TMTC2: variants seen among roughly 807,000 people sequenced by gnomAD.
The protein encoded by TMTC2 is protein O-mannosyl-transferase TMTC2.
Under a neutral mutation model 82.4 loss-of-function variants are expected in TMTC2, and 43 were observed. The ratio of observed to expected loss-of-function variants is 0.52; its 90% confidence interval spans 0.41 to 0.67. The LOEUF is 0.67. Among genes scored for constraint, TMTC2 ranks in the 30% least tolerant of loss-of-function variants. The pLI is 0.00. For synonymous variants in TMTC2, 408 were observed against 381.9 expected (o/e 1.07, Z -0.80); for missense variants, 919 against 1,012.4 (o/e 0.91, Z 1.25).
intron 3 of TMTC2, among the ~76,000 whole-genome samples, chr12:82,929,686 A>C (rs1875920444): frequency 6.6e-6 from 1 of 152,150 alleles, no homozygotes; most frequent in African/African-American, 2.4e-5. Context: ...AGGAAGTAAG[A>C]AGGCAAGAAA....
At chr12:82,946,804 C>T (rs1046838894) in intron 4 of TMTC2, among the ~76,000 whole-genome samples, 1 of 149,732 alleles carries the variant, frequency 6.7e-6, no homozygotes, top group Non-Finnish European at 1.5e-5. Context: ...TGCAGTGGCG[C>T]CATCTCGGCT....
chr12:82,869,609 G>T (rs1872060463), intron 2 of TMTC2, among the ~76,000 whole-genome samples: 1 of 152,102 alleles, frequency 6.6e-6, no homozygotes, highest in Non-Finnish European at 1.5e-5. Context: ...GGAGGCCGAG[G>T]TGGGTGGATC....
At chr12:82,853,399 G>A (rs907170169) in intron 1 of TMTC2, among the ~76,000 whole-genome samples, 9 of 152,090 alleles carry the variant, frequency 5.9e-5, no homozygotes, top group Non-Finnish European at 1.0e-4. Flanking sequence ...CACCATGCCC[G>A]GCCTCAAAGG....
chr12:83,002,652 G>T (rs1253172053), intron 8 of TMTC2, among the ~76,000 whole-genome samples: 1 of 151,900 alleles, frequency 6.6e-6, no homozygotes, highest in Non-Finnish European at 1.5e-5. Flanking sequence ...TAATTTTGTT[G>T]TTTACCCAAA....
At chr12:83,124,431 A>G (rs1195977614) in intron 11 of TMTC2, among the ~76,000 whole-genome samples, 1 of 152,210 alleles carries the variant, frequency 6.6e-6, no homozygotes, top group Non-Finnish European at 1.5e-5. Flanking sequence ...TGGCTTTTTC[A>G]TCTTCCAGCA....
intron 4 of TMTC2, among the ~76,000 whole-genome samples, chr12:82,955,284 A>G (rs1877557263): frequency 6.6e-6 from 1 of 152,170 alleles, no homozygotes; most frequent in African/African-American, 2.4e-5. Context: ...GTCAGTCCTG[A>G]TTGAGGATCA....
intron 1 of TMTC2, among the ~76,000 whole-genome samples, chr12:82,738,359 G>A (rs1592889672): frequency 1.3e-5 from 2 of 152,214 alleles, no homozygotes; most frequent in South Asian, 2.1e-4. Flanking sequence ...TTTCCTTCTA[G>A]TTAGCTTATT....
At chr12:83,029,612 C>T (rs1212378708) in intron 8 of TMTC2, among the ~76,000 whole-genome samples, 1 of 152,088 alleles carries the variant, frequency 6.6e-6, no homozygotes, top group Non-Finnish European at 1.5e-5. Flanking sequence ...TGGTCTGTGG[C>T]TTTGGACACC....
chr12:83,103,451 G>T (rs189064106), intron 11 of TMTC2, among the ~76,000 whole-genome samples: 23 of 152,116 alleles, frequency 1.5e-4, no homozygotes, highest in African/African-American at 4.3e-4. Flanking sequence ...GCCTCAAGGC[G>T]CTTTTTCGGA....
chr12:83,059,348 C>T (rs1882657083), intron 10 of TMTC2, among the ~76,000 whole-genome samples: 1 of 151,782 alleles, frequency 6.6e-6, no homozygotes, highest in Non-Finnish European at 1.5e-5. Flanking sequence ...TGGACACTTC[C>T]TCATGAGTTA....
At chr12:82,875,597 A>G (rs1489664040) in intron 2 of TMTC2, among the ~76,000 whole-genome samples, 3 of 152,206 alleles carry the variant, frequency 2.0e-5, no homozygotes, top group Non-Finnish European at 2.9e-5. Context: ...ATTTAGCATT[A>G]CGGCTATTCT....
At chr12:83,113,883 C>G (rs918050304) in intron 11 of TMTC2, among the ~76,000 whole-genome samples, 8 of 152,180 alleles carry the variant, frequency 5.3e-5, no homozygotes, top group African/African-American at 1.9e-4. Context: ...TAACTCAGAG[C>G]ATTCGAAATA....
At chr12:82,932,108 A>G (rs997262234) in intron 4 of TMTC2, among the ~76,000 whole-genome samples, 14 of 152,204 alleles carry the variant, frequency 9.2e-5, no homozygotes, top group Non-Finnish European at 1.8e-4. Context: ...GGTTAGCTGA[A>G]TCTTTTGTAT....
intron 4 of TMTC2, among the ~76,000 whole-genome samples, chr12:82,933,609 A>T (rs1876159989): frequency 6.6e-6 from 1 of 152,134 alleles, no homozygotes; most frequent in Non-Finnish European, 1.5e-5. Flanking sequence ...TCCTATCATC[A>T]GTTACAGTTA....
intron 8 of TMTC2, among the ~76,000 whole-genome samples, chr12:82,990,718 A>C (rs1329599610): frequency 6.6e-6 from 1 of 151,872 alleles, no homozygotes; most frequent in Non-Finnish European, 1.5e-5. Flanking sequence ...CTGCCATTTC[A>C]ATGTATTAGT....
At chr12:82,823,893 ATTTTTTT>A (rs1225145231) in intron 1 of TMTC2, among the ~76,000 whole-genome samples, 1 of 136,318 alleles carries the variant, frequency 7.3e-6, no homozygotes, top group African/African-American at 2.7e-5. Flanking sequence ...CCATTATTCT[ATTTTTTT>A]TTTTTTTTTT....
At chr12:83,083,910 G>A (rs1883560187) in intron 11 of TMTC2, among the ~76,000 whole-genome samples, 1 of 152,110 alleles carries the variant, frequency 6.6e-6, no homozygotes, top group Non-Finnish European at 1.5e-5. Flanking sequence ...TATTTCAAGG[G>A]GAAATTCAAG....
At chr12:82,729,570 G>T (rs930121532) in intron 1 of TMTC2, among the ~76,000 whole-genome samples, 1 of 152,122 alleles carries the variant, frequency 6.6e-6, no homozygotes, top group Non-Finnish European at 1.5e-5. Flanking sequence ...GTGGGGAAGT[G>T]GAGAACTTTT....
At chr12:83,131,403 A>G (rs1885252229) in intron 11 of TMTC2, among the ~76,000 whole-genome samples, 1 of 151,390 alleles carries the variant, frequency 6.6e-6, no homozygotes, top group South Asian at 2.1e-4. Flanking sequence ...CATGTAAAAA[A>G]CACTTTTAAC....
Sources: gnomAD v4.1 joint callset for allele counts (sites outside exome capture counted in the v4.1 genomes callset) on GRCh38, gnomAD v4.1.1 for gene constraint, MANE v1.5 for transcripts, NCBI Gene and HGNC (gene_info 2026-07-23, HGNC 2026-07-21) for gene names.